The following DAB1 variants were observed in gnomAD, a reference collection of about 807,000 sequenced individuals.
DAB1 encodes DAB adaptor protein 1, also known as disabled homolog 1.
A neutral mutation model predicts 64.6 loss-of-function variants in DAB1; 15 were observed. The observed-to-expected ratio is 0.23, with a 90% CI of 0.16 to 0.36. The LOEUF is 0.36. Ranked by LOEUF, DAB1 falls within the 10% of genes least tolerant of loss-of-function variation. The pLI is 1.00. For missense variants in DAB1, 596 were observed against 706.7 expected, an observed-to-expected ratio of 0.84 and a Z score of 1.78; for synonymous variants, 235 against 251.9, an observed-to-expected ratio of 0.93 and a Z score of 0.64.
chr1:57,410,605 C>T (rs199568187), intron 1 of DAB1, among the ~76,000 whole-genome samples: 152 of 152,328 alleles, frequency 1.0e-3, no homozygotes, highest in African/African-American at 3.3e-3. Flanking sequence ...AGTCCCCCTC[C>T]TCCCTGCCCC....
chr1:57,731,042 A>C (rs1056916299), intron 6 of DAB1, among the ~76,000 whole-genome samples: 5 of 152,258 alleles, frequency 3.3e-5, no homozygotes, highest in African/African-American at 1.2e-4. Flanking sequence ...AGCATTATGC[A>C]CAGGAACTAA....
At chr1:57,412,621 G>C (rs499339) in intron 1 of DAB1, among the ~76,000 whole-genome samples, 67,786 of 152,062 alleles carry the variant, frequency 0.45, 16,941 homozygotes, top group African/African-American at 0.68. Flanking sequence ...GTGGATAGAT[G>C]AAACAAGACA....
chr1:58,490,707 C>A (rs1457181612), intron 3 of DAB1, among the ~76,000 whole-genome samples: 1 of 151,350 alleles, frequency 6.6e-6, no homozygotes, highest in Admixed American at 6.6e-5. Flanking sequence ...GTCGGGTTAC[C>A]CACAAAGGGA....
intron 2 of DAB1, among the ~76,000 whole-genome samples, chr1:57,236,730 A>T (rs942920091): frequency 2.6e-5 from 4 of 152,204 alleles, no homozygotes; most frequent in African/African-American, 7.2e-5. Flanking sequence ...AGAACACATC[A>T]CTCTGAAACA....
At chr1:57,294,711 CA>C (rs1345369479) in intron 1 of DAB1, among the ~76,000 whole-genome samples, 1 of 152,096 alleles carries the variant, frequency 6.6e-6, no homozygotes, top group Non-Finnish European at 1.5e-5. Flanking sequence ...CTACATGAAA[CA>C]AACGAGGAAA....
intron 2 of DAB1, among the ~76,000 whole-genome samples, chr1:57,220,381 T>A (rs563383342): frequency 6.6e-6 from 1 of 152,196 alleles, no homozygotes; most frequent in Non-Finnish European, 1.5e-5. Context: ...GGGGTGAGGT[T>A]TGAAATGGAG....
At chr1:58,039,152 T>C (rs1647093983) in intron 5 of DAB1, among the ~76,000 whole-genome samples, 1 of 152,148 alleles carries the variant, frequency 6.6e-6, no homozygotes, top group Non-Finnish European at 1.5e-5. Context: ...TTCCTAGAGA[T>C]AGTAACAAAC....
At chr1:57,587,138 CA>C (rs1645390501) in intron 7 of DAB1, among the ~76,000 whole-genome samples, 1 of 152,192 alleles carries the variant, frequency 6.6e-6, no homozygotes, top group Non-Finnish European at 1.5e-5. Context: ...CACATATCCC[CA>C]GTTGTTTGAA....
At chr1:57,538,202 T>A (rs1644754001) in intron 7 of DAB1, among the ~76,000 whole-genome samples, 1 of 152,154 alleles carries the variant, frequency 6.6e-6, no homozygotes, top group Admixed American at 6.5e-5. Context: ...TAGTTTGACA[T>A]TTTTTTAATG....
At chr1:57,005,674 G>A (rs1335957986) in intron 14 of DAB1, among the ~76,000 whole-genome samples, 1 of 152,178 alleles carries the variant, frequency 6.6e-6, no homozygotes, top group Non-Finnish European at 1.5e-5. Context: ...AAATTGATGT[G>A]ATGCTATTAA....
chr1:57,332,732 G>A (rs1443531208), intron 1 of DAB1, among the ~76,000 whole-genome samples: 1 of 152,092 alleles, frequency 6.6e-6, no homozygotes, highest in Non-Finnish European at 1.5e-5. Context: ...ATGCCCAATA[G>A]ATTTAAAAAA....
chr1:57,327,105 A>G (rs1196773537), intron 1 of DAB1, among the ~76,000 whole-genome samples: 1 of 151,750 alleles, frequency 6.6e-6, no homozygotes, highest in Non-Finnish European at 1.5e-5. Context: ...CACTTGGCTA[A>G]TTTTTTTTAT....
chr1:57,668,650 G>A (rs915235706), intron 6 of DAB1, among the ~76,000 whole-genome samples: 1 of 152,038 alleles, frequency 6.6e-6, no homozygotes, highest in Non-Finnish European at 1.5e-5. Flanking sequence ...CCTGTTCTGT[G>A]AAACATCATA....
intron 6 of DAB1, among the ~76,000 whole-genome samples, chr1:57,755,384 T>C (rs150155953): frequency 1.3e-5 from 2 of 152,148 alleles, no homozygotes; most frequent in African/African-American, 4.8e-5. Flanking sequence ...TGTATATGTG[T>C]GTATATGTAT....
intron 5 of DAB1, chr1:58,047,932 C>T (rs1406190750): frequency 1.6e-5 from 7 of 425,942 alleles, no homozygotes; most frequent in Non-Finnish European, 2.6e-5. Context: ...CATTAAAACC[C>T]TTTGTTGGAA....
intron 1 of DAB1, among the ~76,000 whole-genome samples, chr1:57,342,777 C>T (rs544973814): frequency 1.3e-5 from 2 of 149,558 alleles, no homozygotes; most frequent in African/African-American, 4.9e-5. Flanking sequence ...TGCGGACCTT[C>T]GCGGTGAGCG....
chr1:57,281,005 T>C (rs1671840752), intron 2 of DAB1, among the ~76,000 whole-genome samples: 1 of 152,190 alleles, frequency 6.6e-6, no homozygotes, highest in Non-Finnish European at 1.5e-5. Context: ...TTTTAGTAAG[T>C]ACAGGGTGCT....
intron 2 of DAB1, among the ~76,000 whole-genome samples, chr1:57,278,244 T>C (rs1303297783): frequency 6.6e-6 from 1 of 152,216 alleles, no homozygotes; most frequent in Non-Finnish European, 1.5e-5. Flanking sequence ...TGAGTATGCT[T>C]TCTCATCTGT....
At chr1:57,330,350 T>C (rs2100794311) in intron 1 of DAB1, among the ~76,000 whole-genome samples, 1 of 152,326 alleles carries the variant, frequency 6.6e-6, no homozygotes, top group Non-Finnish European at 1.5e-5. Flanking sequence ...GTGGTGCAGA[T>C]GTGTGTCGTA....
Sources: gnomAD v4.1 joint callset for allele counts (sites outside exome capture counted in the v4.1 genomes callset) on GRCh38, gnomAD v4.1.1 for gene constraint, MANE v1.5 for transcripts, NCBI Gene and HGNC (gene_info 2026-07-23, HGNC 2026-07-21) for gene names.